Variants in ODF2L observed in about 807,000 individuals in gnomAD.
ODF2L encodes outer dense fiber of sperm tails 2 like, also known as protein BCAP.
A neutral mutation model predicts 86.3 loss-of-function variants in ODF2L; 76 were observed. The ratio of observed to expected loss-of-function variants is 0.88; its 90% CI spans 0.73 to 1.07. The LOEUF (loss-of-function observed/expected upper bound fraction) is 1.07. ODF2L is among the 50% of genes least tolerant of loss of function. ODF2L has a pLI of 0.00. For missense variants in ODF2L, 748 were observed against 717.4 expected (o/e 1.04, Z -0.49); for synonymous variants, 241 against 231.3 (o/e 1.04, Z -0.38).
At chr1:86,348,497 A>G (rs1170317617), downstream of ODF2L, 1 of 204,464 alleles carries the variant, frequency 4.9e-6, no homozygotes, top group Non-Finnish European at 9.2e-6. Context: ...AAATATTCTA[A>G]CAACCAATTT....
chr1:86,355,442 C>T, intron 14 of ODF2L: 1 of 926,060 alleles, frequency 1.1e-6, no homozygotes, highest in Non-Finnish European at 1.7e-6. Context: ...CTCATAATTT[C>T]AATTAGTAAT....
chr1:86,371,245 G>A (rs929442666), intron 9 of ODF2L, 92 bp from the exon 10 acceptor site: 8 of 603,704 alleles, frequency 1.3e-5, no homozygotes, highest in Admixed American at 3.8e-5. Context: ...CACTTTGGCC[G>A]GGTGCATCGT....
At chr1:86,358,889 T>C in exon 13 of ODF2L, 1 of 1,447,986 alleles carries the variant, frequency 6.9e-7, no homozygotes, top group Non-Finnish European at 9.4e-7. Context: ...GCAACTTTTG[T>C]ACCTGAAAAT....
chr1:86,357,862 T>C (rs1658704762), intron 13 of ODF2L: 3 of 985,162 alleles, frequency 3.0e-6, no homozygotes, highest in Non-Finnish European at 3.6e-6. Context: ...TTGTAAAATA[T>C]GCTTTTATTT....
intron 11 of ODF2L, among the ~76,000 whole-genome samples, chr1:86,363,077 A>C (rs1440538603): frequency 6.6e-6 from 1 of 152,230 alleles, no homozygotes; most frequent in African/African-American, 2.4e-5. Flanking sequence ...TGGAGGCTTG[A>C]ATCAGGATAA....
At chr1:86,385,835 G>A (rs1338515337) in intron 2 of ODF2L, 2 of 266,374 alleles carry the variant, frequency 7.5e-6, no homozygotes, top group African/African-American at 2.2e-5. Context: ...AAGTTTGAAG[G>A]AGCATTTTCA....
chr1:86,376,166 T>C, intron 8 of ODF2L, 67 bp downstream of exon 8: 1 of 801,708 alleles, frequency 1.2e-6, no homozygotes, highest in South Asian at 2.3e-5. Context: ...TTAAGCATCA[T>C]GATATTAATT....
chr1:86,378,223 G>A (rs1458691029), intron 7 of ODF2L, among the ~76,000 whole-genome samples: 1 of 152,204 alleles, frequency 6.6e-6, no homozygotes, highest in Non-Finnish European at 1.5e-5. Context: ...AGCATAGCAA[G>A]AGTCACCTTT....
At chr1:86,364,705 A>C (rs1659281512) in intron 11 of ODF2L, among the ~76,000 whole-genome samples, 1 of 152,110 alleles carries the variant, frequency 6.6e-6, no homozygotes, top group Admixed American at 6.6e-5. Flanking sequence ...TTGTTGCTTG[A>C]AACTTGACTA....
At chr1:86,376,260 T>C (rs769918767) in exon 8 of ODF2L, 10 of 1,610,832 alleles carry the variant, frequency 6.2e-6, no homozygotes, top group Middle Eastern at 1.6e-4. Flanking sequence ...AAGTAAGCTT[T>C]TCAATAGCTC....
At chr1:86,367,093 T>C (rs934120162) in intron 11 of ODF2L, among the ~76,000 whole-genome samples, 2 of 152,030 alleles carry the variant, frequency 1.3e-5, no homozygotes, top group Non-Finnish European at 2.9e-5. Flanking sequence ...AAATTAAAAA[T>C]GTCACTACAG....
chr1:86,353,082 A>G, intron 16 of ODF2L, 98 bp from the exon 16 acceptor site: 1 of 756,404 alleles, frequency 1.3e-6, no homozygotes, highest in East Asian at 2.8e-5. Context: ...AACAGATATT[A>G]CTTGTATGTT....
In ODF2L at chr1:86,373,178, T is replaced by G. The variant is rs1320659579; in HGVS notation, c.811-638A>C. 4.6e-5 allele frequency among the ~76,000 whole-genome samples: 7 copies of G among 152,338 alleles called. No homozygotes were observed. The East Asian group carries it at 1.3e-3, about 29-fold the overall frequency. On this transcript the variant is annotated intron_variant, in intron 8 of 17. Coordinates refer to ENST00000317336, the Ensembl canonical transcript of ODF2L. ...TGTAAAGTAAATATCTATATTGCTA[T>G]TATTTCATATACACATAGTGGAAGT...
intron 11 of ODF2L, chr1:86,368,576 A>G (rs913204845): frequency 4.8e-6 from 6 of 1,260,622 alleles, no homozygotes; most frequent in African/African-American, 4.6e-5. Context: ...TCAAAAACAC[A>G]TTTTATTTCC....
chr1:86,353,900 T>C (rs1487238767), intron 16 of ODF2L, among the ~76,000 whole-genome samples: 2 of 152,172 alleles, frequency 1.3e-5, no homozygotes, highest in South Asian at 2.1e-4. Flanking sequence ...TATTCCACTG[T>C]AGCAGGAGAG....
exon 3 of ODF2L, chr1:86,385,482 G>A (rs769832989): frequency 1.9e-6 from 3 of 1,588,482 alleles, no homozygotes; most frequent in South Asian, 1.1e-5. Context: ...TCTTTTCAAT[G>A]GTGTCCTTAA....
chr1:86,363,689 A>G (rs1659203909), intron 11 of ODF2L, among the ~76,000 whole-genome samples: 1 of 151,948 alleles, frequency 6.6e-6, no homozygotes, highest in Admixed American at 6.6e-5. Flanking sequence ...AAAATAAAAA[A>G]TTATATATAT....
intron 14 of ODF2L, 100 bp from the exon 14 acceptor site, chr1:86,354,959 G>A: frequency 1.5e-6 from 1 of 663,322 alleles, no homozygotes; most frequent in Non-Finnish European, 2.6e-6. Context: ...GCAACGAGAA[G>A]GTATAAATGT....
At chr1:86,390,998 T>C (rs1037408391) in intron 1 of ODF2L, among the ~76,000 whole-genome samples, 2 of 152,140 alleles carry the variant, frequency 1.3e-5, no homozygotes, top group Non-Finnish European at 2.9e-5. Context: ...ACAAAATTAA[T>C]GTACACAAAT....
Sources: allele counts gnomAD v4.1 joint callset (sites outside exome capture counted in the v4.1 genomes callset), GRCh38; gene constraint gnomAD v4.1.1; transcripts MANE v1.5; gene names NCBI Gene and HGNC (gene_info 2026-07-23, HGNC 2026-07-21).